CDYL2: variants seen among roughly 807,000 people sequenced by gnomAD.
The protein encoded by CDYL2 is chromodomain Y-like protein 2.
In CDYL2, 23 loss-of-function variants were observed where a neutral mutation model predicts 49.4. That is an observed-to-expected ratio of 0.47 (90% CI 0.34 to 0.66). The LOEUF (loss-of-function observed/expected upper bound fraction) is 0.66, where lower values mean the gene tolerates loss of function less well. Among genes scored for constraint, CDYL2 ranks in the 30% least tolerant of loss-of-function variants. CDYL2 has a pLI of 0.01. For synonymous variants in CDYL2, 360 were observed against 268.8 expected (o/e 1.34, Z -3.32); for missense variants, 678 against 656.4 (o/e 1.03, Z -0.36).
chr16:80,637,912 C>A (rs1026099131), intron 2 of CDYL2, among the ~76,000 whole-genome samples: 1 of 152,088 alleles, frequency 6.6e-6, no homozygotes, highest in Admixed American at 6.5e-5. Flanking sequence ...AATGTTAAAA[C>A]TTTAAAAAAT....
Position 80,616,797 on chromosome 16 carries a change from T to C in CDYL2, c.1008-3961A>G, listed in dbSNP as rs866798424. ...TCCAAGAACATATTAGTGCCAGGAATAGCCCGAGTGTTTCACACAGAGTAT... is the reference window on the plus strand; with the variant it reads ...TCCAAGAACATATTAGTGCCAGGAACAGCCCGAGTGTTTCACACAGAGTAT... On this transcript the variant is annotated intron_variant, in intron 4 of 6. Transcript: ENST00000570137. 3.9e-5 allele frequency among the ~76,000 whole-genome samples: 6 copies of C among 152,234 alleles called. 1 individual carries two copies. Among genetic ancestry groups the C allele is most frequent in the African/African-American group, 1.2e-4 (5 of 41,462 alleles).
At chr16:80,641,369 C>T (rs1021825212) in intron 2 of CDYL2, among the ~76,000 whole-genome samples, 1 of 152,012 alleles carries the variant, frequency 6.6e-6, no homozygotes, top group Admixed American at 6.5e-5. Flanking sequence ...AAAACTTTTA[C>T]CCTAGTATAG....
At chr16:80,799,041 A>G (rs960258813) in intron 1 of CDYL2, among the ~76,000 whole-genome samples, 3 of 151,898 alleles carry the variant, frequency 2.0e-5, no homozygotes, top group Non-Finnish European at 4.4e-5. Context: ...AGATATATAG[A>G]TATTTAAGTG....
At chr16:80,663,658 T>C (rs1909141252) in intron 2 of CDYL2, among the ~76,000 whole-genome samples, 1 of 152,246 alleles carries the variant, frequency 6.6e-6, no homozygotes, top group East Asian at 1.9e-4. Flanking sequence ...AGTGGCATGA[T>C]CTTGGCTCAC....
intron 2 of CDYL2, among the ~76,000 whole-genome samples, chr16:80,646,333 T>A (rs1438258808): frequency 6.6e-6 from 1 of 151,872 alleles, no homozygotes; most frequent in East Asian, 1.9e-4. Flanking sequence ...AAAATCACCT[T>A]CACTAAAAGG....
intron 1 of CDYL2, among the ~76,000 whole-genome samples, chr16:80,709,582 A>ACACT: frequency 6.6e-6 from 1 of 151,176 alleles, no homozygotes; most frequent in South Asian, 2.1e-4. Flanking sequence ...ACACACACAC[A>ACACT]CACACACACA....
chr16:80,767,878 G>A (rs1906779538), intron 1 of CDYL2, among the ~76,000 whole-genome samples: 2 of 152,208 alleles, frequency 1.3e-5, no homozygotes, highest in Admixed American at 1.3e-4. Context: ...TCACTGTGCA[G>A]TGTCACAGTC....
chr16:80,800,537 C>A (rs1215839730), intron 1 of CDYL2, among the ~76,000 whole-genome samples: 1 of 152,000 alleles, frequency 6.6e-6, no homozygotes, highest in Non-Finnish European at 1.5e-5. Flanking sequence ...ATGGGTTCCA[C>A]ATCTGTGGAT....
intron 2 of CDYL2, among the ~76,000 whole-genome samples, chr16:80,646,505 C>A (rs558026524): frequency 2.4e-4 from 37 of 152,208 alleles, no homozygotes; most frequent in Middle Eastern, 3.4e-3. Flanking sequence ...AAAAACAAGA[C>A]CCAGGTCGGG....
chr16:80,732,571 AACT>A (rs1369610243), intron 1 of CDYL2, among the ~76,000 whole-genome samples: 1 of 152,222 alleles, frequency 6.6e-6, no homozygotes, highest in Non-Finnish European at 1.5e-5. Context: ...GTCTGAAGGG[AACT>A]ACTTTACCTA....
chr16:80,614,079 G>T (rs984465215), intron 4 of CDYL2, among the ~76,000 whole-genome samples: 10 of 152,194 alleles, frequency 6.6e-5, no homozygotes, highest in African/African-American at 2.2e-4. Context: ...GGTCTGCCTG[G>T]GGCACCGCTT....
intron 3 of CDYL2, among the ~76,000 whole-genome samples, chr16:80,623,436 C>G (rs958061137): frequency 6.6e-6 from 1 of 152,064 alleles, no homozygotes; most frequent in South Asian, 2.1e-4. Flanking sequence ...TATATACTGA[C>G]CCTACGGAAC....
At chr16:80,746,662 AACACTACCAGGTAGCTTAGAAGGCCCCC>A (rs1905941089) in intron 1 of CDYL2, among the ~76,000 whole-genome samples, 1 of 152,180 alleles carries the variant, frequency 6.6e-6, no homozygotes, top group South Asian at 2.1e-4. Flanking sequence ...TCCAGGAAAG[AACACTACCAGGTAGCTTAGAAGGCCCCC>A]TTTTGCAGGT....
intron 4 of CDYL2, among the ~76,000 whole-genome samples, chr16:80,617,911 C>T (rs563466773): frequency 5.3e-5 from 8 of 152,292 alleles, no homozygotes; most frequent in Admixed American, 3.3e-4. Context: ...CCACCAAGGA[C>T]GACTGACATC....
intron 1 of CDYL2, among the ~76,000 whole-genome samples, chr16:80,722,721 T>C (rs1378810585): frequency 6.6e-6 from 1 of 152,182 alleles, no homozygotes; most frequent in Non-Finnish European, 1.5e-5. Context: ...GATACTGTGC[T>C]CCTTCTTTGT....
chr16:80,645,038 A>G (rs369957346), intron 2 of CDYL2, among the ~76,000 whole-genome samples: 2 of 152,196 alleles, frequency 1.3e-5, no homozygotes, highest in East Asian at 3.9e-4. Context: ...TAAAAACCCT[A>G]GAAGAAAACC....
At chr16:80,777,480 CA>C (rs980665714) in intron 1 of CDYL2, among the ~76,000 whole-genome samples, 2 of 151,322 alleles carry the variant, frequency 1.3e-5, no homozygotes, top group African/African-American at 4.9e-5. Context: ...TCTGGCAACA[CA>C]AAAAATATGA....
At chr16:80,651,617 C>G (rs963073268) in intron 2 of CDYL2, among the ~76,000 whole-genome samples, 1 of 152,136 alleles carries the variant, frequency 6.6e-6, no homozygotes, top group Non-Finnish European at 1.5e-5. Flanking sequence ...TTTAGGAGGG[C>G]ACAGGATCTC....
chr16:80,676,102 G>C (rs549198880), intron 2 of CDYL2, among the ~76,000 whole-genome samples: 1 of 152,030 alleles, frequency 6.6e-6, no homozygotes, highest in Non-Finnish European at 1.5e-5. Flanking sequence ...TTAAAGAGTC[G>C]GATTTCCCAT....
Sources: gnomAD v4.1 joint callset for allele counts (sites outside exome capture counted in the v4.1 genomes callset) on GRCh38, gnomAD v4.1.1 for gene constraint, MANE v1.5 for transcripts, NCBI Gene and HGNC (gene_info 2026-07-23, HGNC 2026-07-21) for gene names.